PRKCE: variants seen among roughly 807,000 people sequenced by gnomAD.
PRKCE encodes the protein protein kinase C epsilon, also known as protein kinase C epsilon type.
Under a neutral mutation model 85.4 loss-of-function variants are expected in PRKCE, and 16 were observed. The observed-to-expected ratio is 0.19, with a 90% CI of 0.13 to 0.28. The LOEUF (loss-of-function observed/expected upper bound fraction) is 0.28, where lower values mean the gene tolerates loss of function less well. PRKCE is among the 10% of genes least tolerant of loss of function. The pLI is 1.00. For missense variants in PRKCE, 573 were observed against 975.2 expected (o/e 0.59, Z 5.49); for synonymous variants, 388 against 371.5 (o/e 1.04, Z -0.51).
At chr2:46,109,216 G>A (rs551222664) in intron 11 of PRKCE, among the ~76,000 whole-genome samples, 38 of 152,128 alleles carry the variant, frequency 2.5e-4, no homozygotes, top group Non-Finnish European at 5.0e-4. Flanking sequence ...ATAAGTTGCT[G>A]ATATCTGCAA....
intron 1 of PRKCE, among the ~76,000 whole-genome samples, chr2:45,668,222 T>G (rs1453357857): frequency 6.6e-6 from 1 of 152,122 alleles, no homozygotes; most frequent in Non-Finnish European, 1.5e-5. Flanking sequence ...GCGCCTGTAC[T>G]CTCAGCTACT....
chr2:46,144,709 C>T (rs138291025), intron 11 of PRKCE, among the ~76,000 whole-genome samples: 1 of 152,294 alleles, frequency 6.6e-6, no homozygotes, highest in East Asian at 1.9e-4. Flanking sequence ...ATGCTGGGAA[C>T]CCCAGCTGAT....
At chr2:45,954,940 T>C (rs532637693) in intron 2 of PRKCE, among the ~76,000 whole-genome samples, 68 of 152,336 alleles carry the variant, frequency 4.5e-4, no homozygotes, top group Middle Eastern at 3.4e-3. Flanking sequence ...GTATTTCATT[T>C]AATTAATAAT....
chr2:45,982,868 C>T (rs537501075), intron 5 of PRKCE, among the ~76,000 whole-genome samples: 8 of 152,292 alleles, frequency 5.3e-5, no homozygotes, highest in African/African-American at 1.7e-4. Context: ...CCCACTTTTT[C>T]GCCTTAGTCT....
intron 1 of PRKCE, among the ~76,000 whole-genome samples, chr2:45,683,245 A>T (rs1219476861): frequency 6.6e-6 from 1 of 152,220 alleles, no homozygotes; most frequent in Non-Finnish European, 1.5e-5. Flanking sequence ...CAAGTCCTGC[A>T]GGTAATTCAG....
intron 2 of PRKCE, among the ~76,000 whole-genome samples, chr2:45,872,555 C>T (rs1694176274): frequency 6.6e-6 from 1 of 152,124 alleles, no homozygotes; most frequent in South Asian, 2.1e-4. Context: ...AGAGCCACTG[C>T]CATGATCCAG....
intron 1 of PRKCE, among the ~76,000 whole-genome samples, chr2:45,791,685 G>A (rs1687042609): frequency 6.6e-6 from 1 of 152,196 alleles, no homozygotes; most frequent in Non-Finnish European, 1.5e-5. Flanking sequence ...GCGCAAAGTG[G>A]TGTACTTTCC....
At chr2:45,772,228 C>G (rs1201113253) in intron 1 of PRKCE, among the ~76,000 whole-genome samples, 1 of 151,344 alleles carries the variant, frequency 6.6e-6, no homozygotes, top group African/African-American at 2.4e-5. Context: ...TTCCTTGAGC[C>G]CAGGAGTTCA....
At chr2:45,801,802 C>CT (rs1337085823) in intron 1 of PRKCE, among the ~76,000 whole-genome samples, 2 of 152,154 alleles carry the variant, frequency 1.3e-5, no homozygotes, top group Non-Finnish European at 2.9e-5. Flanking sequence ...AAGCAGGCTG[C>CT]TGTGGGTGTG....
rs1411708511 is a variant in PRKCE, at chr2:45,891,232, AC to A, written c.412+48171del. ...TTACCAATATAGAACTTTGATACGT[AC>A]CATTCTGTTTGCAGAAAGAGCGACC... On this transcript the variant is annotated intron_variant, in intron 2 of 14. Transcript: ENST00000306156. Among the ~76,000 whole-genome samples the A allele has an allele frequency of 2.0e-5, 3 of 152,324 alleles. No homozygotes were observed. In the East Asian group the frequency reaches 5.8e-4, roughly 29 times the overall value.
At chr2:45,702,587 C>T (rs1678736973) in intron 1 of PRKCE, among the ~76,000 whole-genome samples, 1 of 152,144 alleles carries the variant, frequency 6.6e-6, no homozygotes, top group Non-Finnish European at 1.5e-5. Flanking sequence ...CAGTTCTGTA[C>T]CTGGTTCCAT....
Position 46,064,143 on chromosome 2 carries a change from A to G in PRKCE, c.1438-22065A>G, listed in dbSNP as rs557113654. Reference sequence around the variant, plus strand: ...CTAAAAATACAAAAATTAGCCAGGCATGGTGACACGTGCCTGTAATCCCAG... The same window carrying G: ...CTAAAAATACAAAAATTAGCCAGGCGTGGTGACACGTGCCTGTAATCCCAG... On this transcript the variant is annotated intron_variant, in intron 10 of 14. Transcript: ENST00000306156. Among the ~76,000 whole-genome samples the G allele has an allele frequency of 3.9e-5, 6 of 152,042 alleles. No individual in the cohort carries two copies. The East Asian group carries it at 7.7e-4, about 20-fold the overall frequency.
chr2:46,100,976 C>G (rs1399016837), intron 11 of PRKCE, among the ~76,000 whole-genome samples: 1 of 152,158 alleles, frequency 6.6e-6, no homozygotes, highest in Non-Finnish European at 1.5e-5. Context: ...TCAAGCGATT[C>G]TCCCTCCTCA....
chr2:46,020,146 G>A (rs914684954), intron 10 of PRKCE, among the ~76,000 whole-genome samples: 2 of 151,992 alleles, frequency 1.3e-5, no homozygotes, highest in African/African-American at 4.8e-5. Flanking sequence ...CACTGTGCCC[G>A]GCCAAGCTGT....
At chr2:45,980,692 A>G (rs906631484) in intron 5 of PRKCE, among the ~76,000 whole-genome samples, 3 of 152,300 alleles carry the variant, frequency 2.0e-5, no homozygotes, top group African/African-American at 7.2e-5. Context: ...TGGCTAACCA[A>G]TGTGTCACTA....
intron 1 of PRKCE, among the ~76,000 whole-genome samples, chr2:45,828,370 A>T (rs1690128017): frequency 6.6e-6 from 1 of 152,226 alleles, no homozygotes; most frequent in Non-Finnish European, 1.5e-5. Flanking sequence ...ACTGCTCTCG[A>T]GTCTGGGCAA....
In PRKCE at chr2:45,661,523, G is replaced by GTTTTT. The variant is rs367628974; in HGVS notation, c.348+9077_348+9081dup. On this transcript the variant is annotated intron_variant, in intron 1 of 14. Transcript: ENST00000306156. The stretch of plus-strand genomic sequence containing the variant: ...TTTTTTTTGTTTTGTTTTGTTTTTT[G>GTTTTT]TTTTTTGTTTTTTTTTTTTTTTTTA... Among the ~76,000 whole-genome samples, 76 of 96,656 alleles carry GTTTTT rather than the reference G, an allele frequency of 7.9e-4. 5 individuals are homozygous for GTTTTT. Among genetic ancestry groups the GTTTTT allele is most frequent in the African/African-American group, 2.7e-3 (69 of 25,836 alleles). 63.4% of individuals were successfully genotyped at this position (96,656 alleles called of 152,430 possible). A position where few individuals can be genotyped will look rare whatever the true frequency, so the allele number is the denominator to read the frequency against.
intron 1 of PRKCE, among the ~76,000 whole-genome samples, chr2:45,668,770 C>T (rs773113770): frequency 3.3e-5 from 5 of 152,038 alleles, no homozygotes; most frequent in South Asian, 2.1e-4. Context: ...GCTTATCTCA[C>T]GGAGTTGTGA....
intron 2 of PRKCE, among the ~76,000 whole-genome samples, chr2:45,936,871 G>A (rs552044975): frequency 3.7e-4 from 57 of 152,266 alleles, no homozygotes; most frequent in Non-Finnish European, 6.9e-4. Context: ...CTTATTAAAA[G>A]GGGCAGGGAC....
Sources: gnomAD v4.1 joint callset for allele counts (sites outside exome capture counted in the v4.1 genomes callset) on GRCh38, gnomAD v4.1.1 for gene constraint, MANE v1.5 for transcripts, NCBI Gene and HGNC (gene_info 2026-07-23, HGNC 2026-07-21) for gene names.